Variants in GPHN observed in about 807,000 individuals in gnomAD.
GPHN encodes the protein gephyrin.
A neutral mutation model predicts 95.5 loss-of-function variants in GPHN; 17 were observed. The observed-to-expected ratio is 0.18, with a 90% CI of 0.12 to 0.27. GPHN has a LOEUF of 0.27. Ranked by LOEUF, GPHN falls within the 10% of genes least tolerant of loss-of-function variation. The probability of loss-of-function intolerance (pLI) is 1.00; values close to 1 mark genes in which losing one functional copy is unlikely to be tolerated. For synonymous variants in GPHN, 320 were observed against 322.5 expected (o/e 0.99, Z 0.08); for missense variants, 660 against 978.1 (o/e 0.67, Z 4.34).
chr14:67,633,370 T>C, the GPHN span, among the ~76,000 whole-genome samples: 1 of 152,190 alleles, frequency 6.6e-6, no homozygotes, highest in African/African-American at 2.4e-5. Context: ...ACATATTCTA[T>C]GGCGATGTAT....
chr14:66,530,616 A>G (rs376183409), intron 1 of GPHN, among the ~76,000 whole-genome samples: 61 of 152,242 alleles, frequency 4.0e-4, no homozygotes, highest in Admixed American at 1.3e-3. Context: ...CTCCTGGTCT[A>G]TGGGTTGTGA....
intron 4 of GPHN, among the ~76,000 whole-genome samples, chr14:66,840,507 T>C (rs914081406): frequency 6.6e-6 from 1 of 152,068 alleles, no homozygotes; most frequent in Non-Finnish European, 1.5e-5. Context: ...TTTTAGATTT[T>C]GTAGGCATAT....
At chr14:66,850,546 C>G (rs1229785533) in intron 4 of GPHN, among the ~76,000 whole-genome samples, 2 of 152,048 alleles carry the variant, frequency 1.3e-5, no homozygotes, top group Non-Finnish European at 2.9e-5. Flanking sequence ...AAATGGTTTT[C>G]AACCAGGGTA....
At chr14:67,070,670 T>C (rs1442923273) in intron 11 of GPHN, among the ~76,000 whole-genome samples, 3 of 116,726 alleles carry the variant, frequency 2.6e-5, no homozygotes, top group African/African-American at 1.2e-4. Flanking sequence ...TACTCTAGCC[T>C]AGTGACAGAG....
the GPHN span, among the ~76,000 whole-genome samples, chr14:67,402,569 C>T: frequency 6.6e-6 from 1 of 152,160 alleles, no homozygotes; most frequent in African/African-American, 2.4e-5. Context: ...CCCATCTCCC[C>T]GGCAGCCCCT....
chr14:67,219,465 C>T, the GPHN span, among the ~76,000 whole-genome samples: 6 of 152,140 alleles, frequency 3.9e-5, no homozygotes, highest in Non-Finnish European at 8.8e-5. Context: ...TTGCTTTGGT[C>T]CTTTCTTGTG....
intron 2 of GPHN, among the ~76,000 whole-genome samples, chr14:66,729,479 A>G (rs1011475981): frequency 2.6e-5 from 4 of 152,204 alleles, no homozygotes; most frequent in Non-Finnish European, 5.9e-5. Context: ...CAAAGATTAT[A>G]TAATCAAAAT....
chr14:67,418,902 T>C, the GPHN span, among the ~76,000 whole-genome samples: 2 of 152,132 alleles, frequency 1.3e-5, no homozygotes, highest in African/African-American at 2.4e-5. Flanking sequence ...GGTCAGTCAC[T>C]CTCCCCAGGG....
the GPHN span, among the ~76,000 whole-genome samples, chr14:67,566,138 G>A: frequency 6.6e-6 from 1 of 152,094 alleles, no homozygotes; most frequent in Non-Finnish European, 1.5e-5. Context: ...AAGAAATGCT[G>A]GTTCGGGAGG....
intron 1 of GPHN, among the ~76,000 whole-genome samples, chr14:66,589,621 C>T (rs1367139517): frequency 1.3e-5 from 2 of 151,600 alleles, no homozygotes; most frequent in East Asian, 3.9e-4. Flanking sequence ...ATCAATGCAA[C>T]AAGAGCTAAC....
the GPHN span, chr14:67,473,291 G>A: frequency 7.6e-7 from 1 of 1,313,006 alleles, no homozygotes; most frequent in Non-Finnish European, 1.0e-6. This position sits in a 1 kb window ranked among gnomAD's most constrained non-coding sequence, Gnocchi z 6.5. Flanking sequence ...AGGGGGCTCT[G>A]TGTGCCCTAT....
chr14:67,727,054 C>T, the GPHN span: 32 of 1,613,920 alleles, frequency 2.0e-5, no homozygotes, highest in Non-Finnish European at 2.7e-5. Context: ...TTAATGTGTC[C>T]TCGGTGGCTC....
chr14:66,518,926 G>GTTAACAGTA (rs2058365728), intron 1 of GPHN, among the ~76,000 whole-genome samples: 3 of 151,982 alleles, frequency 2.0e-5, no homozygotes, highest in Non-Finnish European at 4.4e-5. Flanking sequence ...TAGCATTGTA[G>GTTAACAGTA]GGTGACTATA....
the GPHN span, chr14:67,204,935 A>T: frequency 1.9e-5 from 30 of 1,612,282 alleles, no homozygotes; most frequent in Non-Finnish European, 2.5e-5. Flanking sequence ...CCAGAAAATG[A>T]GGTCCCAGAG....
intron 1 of GPHN, among the ~76,000 whole-genome samples, chr14:66,666,908 C>T (rs547151095): frequency 2.6e-5 from 4 of 152,286 alleles, no homozygotes; most frequent in Admixed American, 2.6e-4. Flanking sequence ...AGCCCAAAAG[C>T]TTCTTAAGCT....
At chr14:66,809,493 A>G (rs2153481435) in intron 3 of GPHN, among the ~76,000 whole-genome samples, 1 of 152,306 alleles carries the variant, frequency 6.6e-6, no homozygotes, top group East Asian at 1.9e-4. Flanking sequence ...GAAACAAGAA[A>G]TACAAAAAAG....
chr14:67,512,250 C>T, the GPHN span, among the ~76,000 whole-genome samples: 1 of 152,166 alleles, frequency 6.6e-6, no homozygotes, highest in Non-Finnish European at 1.5e-5. Flanking sequence ...AAAAGTGCCC[C>T]CCTCCTACCC....
chr14:66,739,855 ATAAAAC>A (rs990848371), intron 2 of GPHN, among the ~76,000 whole-genome samples: 1 of 152,152 alleles, frequency 6.6e-6, no homozygotes, highest in African/African-American at 2.4e-5. Context: ...GTTAAACAAA[ATAAAAC>A]TAAAAAGCAA....
chr14:67,558,217 C>T, the GPHN span, among the ~76,000 whole-genome samples: 7 of 152,176 alleles, frequency 4.6e-5, no homozygotes, highest in Admixed American at 4.6e-4. Context: ...CCCAGCTTTC[C>T]CCTCGTGCCA....
Sources: gnomAD v4.1 joint callset for allele counts (sites outside exome capture counted in the v4.1 genomes callset) on GRCh38, gnomAD v4.1.1 for gene constraint, Gnocchi (gnomAD v3.1) non-coding constraint, MANE v1.5 for transcripts, NCBI Gene and HGNC (gene_info 2026-07-23, HGNC 2026-07-21) for gene names.